GHITM: variants seen among roughly 807,000 people sequenced by gnomAD.
GHITM encodes growth hormone inducible transmembrane protein, also known as growth hormone-inducible transmembrane protein.
In GHITM, 24 loss-of-function variants were observed where a neutral mutation model predicts 38.7. The observed-to-expected ratio is 0.62, with a 90% CI of 0.45 to 0.87. The LOEUF (loss-of-function observed/expected upper bound fraction) is 0.87. Ranked by LOEUF, GHITM falls within the 40% of genes least tolerant of loss-of-function variation. The probability of loss-of-function intolerance (pLI) is 0.00; values close to 1 mark genes in which losing one functional copy is unlikely to be tolerated. For missense variants in GHITM, 420 were observed against 429.8 expected (o/e 0.98, Z 0.20); for synonymous variants, 154 against 147.8 (o/e 1.04, Z -0.30).
chr10:84,143,013 A>G (rs1841522729), intron 3 of GHITM, among the ~76,000 whole-genome samples: 1 of 152,096 alleles, frequency 6.6e-6, no homozygotes, highest in African/African-American at 2.4e-5. Flanking sequence ...CAAAAGGTAT[A>G]CTCTGTTGAG....
intron 2 of GHITM, 130 bp from the exon 3 acceptor site, chr10:84,142,525 A>C (rs1841517150): frequency 4.5e-6 from 2 of 440,506 alleles, no homozygotes; most frequent in African/African-American, 4.1e-5. Context: ...TTCCATAGTG[A>C]AGTTAGGTAT....
intron 4 of GHITM, among the ~76,000 whole-genome samples, chr10:84,144,344 T>TG (rs1841536268): frequency 6.7e-6 from 1 of 149,824 alleles, no homozygotes; most frequent in East Asian, 2.1e-4. Flanking sequence ...TGAAATATGT[T>TG]TTTTGTTTGT....
intron 7 of GHITM, 132 bp from the exon 8 acceptor site, chr10:84,150,577 G>A (rs117343574): frequency 0.016 from 10,503 of 666,040 alleles, 155 homozygotes; most frequent in Non-Finnish European, 0.018. Context: ...AGATTAGACA[G>A]TACATGTACC....
At chr10:84,145,043 T>C (rs757998571) in intron 5 of GHITM, 27 bp downstream of exon 5, 1 of 1,565,558 alleles carries the variant, frequency 6.4e-7, no homozygotes, top group Non-Finnish European at 8.7e-7. Flanking sequence ...TGTTTTCCTT[T>C]TTCATCTAAA....
chr10:84,149,626 GTGTC>G (rs1219116369), intron 6 of GHITM, among the ~76,000 whole-genome samples: 1 of 152,162 alleles, frequency 6.6e-6, no homozygotes, highest in Non-Finnish European at 1.5e-5. Context: ...AGAAACAGCA[GTGTC>G]TGTCTTAGAA....
chr10:84,144,883 C>T lies in GHITM; in HGVS notation c.350C>T (p.Pro117Leu). 6.4e-7 allele frequency: 1 copy of T among 1,571,936 alleles called. No homozygotes were observed. Among genetic ancestry groups the T allele is most frequent in the Non-Finnish European group, 8.7e-7 (1 of 1,154,418 alleles). ...TGTCATGTTTCTTACAGAATTTGGC[C>T]TCAGTATGTCAAGGATAGAATTCAT... ...IGAIEKAVIWPQYVKDRIHST... is the reference protein window; with the variant it reads ...IGAIEKAVIWLQYVKDRIHST... Residue 117 changes from proline (P) to leucine (L), a missense_variant, in exon 5 of 9, where the codon CCT becomes CTT. Physicochemically the swap from Pro to Leu is moderately conservative, Grantham distance 98. Coordinates refer to ENST00000372134, the MANE Select transcript of GHITM (RefSeq NM_014394.3).
chr10:84,145,826 T>A (rs1841551697), intron 5 of GHITM, among the ~76,000 whole-genome samples: 1 of 152,224 alleles, frequency 6.6e-6, no homozygotes. Context: ...TGTCTTGGAC[T>A]GTTAGGCAAG....
chr10:84,144,340 A>G (rs192729062), intron 4 of GHITM, among the ~76,000 whole-genome samples: 1 of 150,096 alleles, frequency 6.7e-6, no homozygotes, highest in East Asian at 2.1e-4. Context: ...AATATGAAAT[A>G]TGTTTTTTGT....
intron 8 of GHITM, among the ~76,000 whole-genome samples, chr10:84,151,122 C>G (rs1216793611): frequency 6.6e-6 from 1 of 152,186 alleles, no homozygotes; most frequent in Non-Finnish European, 1.5e-5. Flanking sequence ...TTCCCTGCCT[C>G]TCAGCTTCTT....
In GHITM at chr10:84,141,572, C is replaced by G. The variant is rs1160466657; in HGVS notation, c.72C>G (p.Ala24=). ...TTTTCCACCCAGCTTTCACCAAGGC[C>G]TCCCCTGTTGTGAAGAATTCCATCA... The part of the protein sequence containing the change: ...SRVFHPAFTK[A]SPVVKNSITK... The change falls in exon 2 of 9, where the codon GCC becomes GCG. Residue 24 remains alanine, a synonymous_variant. Transcript: ENST00000372134. 3 of 1,613,352 alleles carry G rather than the reference C, an allele frequency of 1.9e-6. No homozygotes were observed. The highest frequency in any genetic ancestry group is 1.7e-6 in the Non-Finnish European group (2 of 1,179,232).
intron 4 of GHITM, 86 bp from the exon 5 acceptor site, chr10:84,144,789 T>C (rs1266363521): frequency 2.6e-6 from 2 of 760,370 alleles, no homozygotes; most frequent in Admixed American, 5.2e-5. Flanking sequence ...TAAAATGATT[T>C]ATCCCGAGGT....
chr10:84,144,667 T>G (rs150109057), intron 4 of GHITM, among the ~76,000 whole-genome samples: 154 of 152,314 alleles, frequency 1.0e-3, no homozygotes, highest in Non-Finnish European at 1.8e-3. Flanking sequence ...AATATGTTGT[T>G]TTTTATATGT....
intron 8 of GHITM, 36 bp downstream of exon 8, chr10:84,150,916 T>C: frequency 7.1e-7 from 1 of 1,409,056 alleles, no homozygotes; most frequent in Non-Finnish European, 1.0e-6. Flanking sequence ...TGTTACTCTG[T>C]CACATAAGGA....
At chr10:84,140,129 T>A (rs1353488666) in intron 1 of GHITM, 1 of 152,278 alleles carries the variant, frequency 6.6e-6, no homozygotes, top group Non-Finnish European at 1.5e-5. Flanking sequence ...GAAGCGGGAT[T>A]CCCACTCTGG....
intron 5 of GHITM, among the ~76,000 whole-genome samples, chr10:84,147,625 TG>T (rs71473604): frequency 0.39 from 58,988 of 151,272 alleles, 12,454 homozygotes; most frequent in Non-Finnish European, 0.49. Flanking sequence ...TCTTTTTTTT[TG>T]TTTGTTTTTT....
At chr10:84,141,212 G>A (rs1841502594) in intron 1 of GHITM, among the ~76,000 whole-genome samples, 1 of 152,152 alleles carries the variant, frequency 6.6e-6, no homozygotes. Context: ...ATTTTGATTG[G>A]TCAAACTGGG....
At chr10:84,143,227 T>C (rs1221686966) in intron 3 of GHITM, among the ~76,000 whole-genome samples, 2 of 152,210 alleles carry the variant, frequency 1.3e-5, no homozygotes, top group Admixed American at 6.5e-5. Context: ...ATATCAACTT[T>C]GCAAGTTCAG....
Position 84,150,604 on chromosome 10 carries a change from T to C in GHITM, c.782-105T>C, listed in dbSNP as rs1306717603. 3 of 843,798 alleles carry C rather than the reference T, an allele frequency of 3.6e-6. No homozygotes were observed. The East Asian group carries it at 8.0e-5, about 22-fold the overall frequency. The allele number at this position is 843,798 out of a possible 1,614,324, so 52.3% of individuals were successfully genotyped here. On this transcript the variant is annotated intron_variant, in intron 7 of 8. Coordinates refer to ENST00000372134, the MANE Select transcript of GHITM (RefSeq NM_014394.3). ...ACATGTACCCAGATGTCGTCTTACC[T>C]ACACAGTATACCAAGGAGATTTTTT...
At chr10:84,147,207 A>G (rs929975123) in intron 5 of GHITM, among the ~76,000 whole-genome samples, 5 of 152,184 alleles carry the variant, frequency 3.3e-5, no homozygotes, top group Admixed American at 3.3e-4. Context: ...AGTTTGTAGT[A>G]ATTATTTCTC....
Sources: allele counts gnomAD v4.1 joint callset (sites outside exome capture counted in the v4.1 genomes callset), GRCh38; gene constraint gnomAD v4.1.1; transcripts MANE v1.5; gene names NCBI Gene and HGNC (gene_info 2026-07-23, HGNC 2026-07-21).